The following DKC1 variants were observed in gnomAD, a reference collection of about 807,000 sequenced individuals.
DKC1 encodes the protein dyskerin pseudouridine synthase 1.
DKC1 carries 4 observed loss-of-function variants against 46.7 expected under a neutral mutation model. The ratio of observed to expected loss-of-function variants is 0.09; its 90% confidence interval spans 0.04 to 0.20. DKC1 has a LOEUF of 0.20. Ranked by LOEUF, DKC1 falls within the 10% of genes least tolerant of loss-of-function variation. The probability of loss-of-function intolerance (pLI) is 1.00; values close to 1 mark genes in which losing one functional copy is unlikely to be tolerated. For missense variants in DKC1, 171 were observed against 404.2 expected (o/e 0.42, Z 4.95); for synonymous variants, 141 against 142.4 (o/e 0.99, Z 0.07).
At chrX:154,763,177 C>G (rs1557263773) in intron 1 of DKC1, among the ~76,000 whole-genome samples, 196 bp downstream of exon 1, 1 of 111,930 alleles carries the variant, frequency 8.9e-6, no homozygotes, top group South Asian at 3.7e-4. Flanking sequence ...GAGCCCCTCG[C>G]GGTGACTTGG....
At chrX:154,774,533 C>A in intron 11 of DKC1, 69 bp from the exon 12 acceptor site, 1 of 965,055 alleles carries the variant, frequency 1.0e-6, no homozygotes, top group Non-Finnish European at 1.5e-6. Flanking sequence ...TTGTTCTATT[C>A]TTTGTAGTCA....
In DKC1 at chrX:154,773,133, A is replaced by C; in HGVS notation, c.1039A>C (p.Ile347Leu). Residue 347 changes from isoleucine to leucine, a missense_variant and splice_region_variant, in exon 11 of 15, where the codon ATT (isoleucine) becomes CTT (leucine). By Grantham distance (5) the Ile-to-Leu change is conservative. Coordinates refer to ENST00000369550, the MANE Select transcript of DKC1 (RefSeq NM_001363.5). ...TTTTCTTTATTCAATGCCTGTAGCT[A>C]TTGCATTAATGACCACAGCGGTCAT... The part of the protein sequence containing the change: ...TTKGEAICMA[I>L]ALMTTAVIST... 1 of 1,162,281 alleles carries C rather than the reference A, an allele frequency of 8.6e-7. No homozygotes were observed. Among genetic ancestry groups the C allele is most frequent in the African/African-American group, 1.8e-5 (1 of 56,660 alleles).
rs1474667028 is a variant in DKC1 at position 154,769,101 on chromosome X, A to G, written c.772-66A>G. 3 of 1,121,248 alleles carry G rather than the reference A, an allele frequency of 2.7e-6. No homozygotes were observed. In the East Asian group the frequency reaches 9.2e-5, roughly 34 times the overall value. The allele number at this position is 1,121,248 out of a possible 1,213,427, so 92.4% of individuals were successfully genotyped here. A position where few individuals can be genotyped will look rare whatever the true frequency, so the allele number is the denominator to read the frequency against. On this transcript the variant is annotated intron_variant, in intron 8 of 14. Transcript: ENST00000369550. ...AAACAAGTGACATTCAGTTTTAGGA[A>G]GTTTGGGGTCTGATGGGCTGAGATA...
At chrX:154,773,393 A>G in intron 11 of DKC1, 144 bp downstream of exon 11, 1 of 373,057 alleles carries the variant, frequency 2.7e-6, no homozygotes, top group Non-Finnish European at 4.7e-6. Flanking sequence ...AGGGAAGGTC[A>G]GCAGATAAAC....
intron 10 of DKC1, among the ~76,000 whole-genome samples, chrX:154,771,187 G>GGTTTTTTTTTTTTTTTTTT (rs2071820394): frequency 1.6e-5 from 1 of 64,487 alleles, no homozygotes; most frequent in African/African-American, 6.4e-5. Context: ...TGGTGGTGGT[G>GGTTTTTTTTTTTTTTTTTT]TTTTTTTTTT....
At chrX:154,776,746 CAT>C in intron 14 of DKC1, 51 bp from the exon 15 acceptor site, 1 of 1,128,165 alleles carries the variant, frequency 8.9e-7, no homozygotes, top group South Asian at 1.8e-5. Context: ...CTGGGAGAGT[CAT>C]AGCTTTGTTA....
At chrX:154,771,172 T>G (rs782602419) in intron 10 of DKC1, among the ~76,000 whole-genome samples, 2 of 106,548 alleles carry the variant, frequency 1.9e-5, no homozygotes, top group Non-Finnish European at 3.8e-5. Context: ...ATTCTTTTGG[T>G]TTTTTGGTGG....
intron 9 of DKC1, among the ~76,000 whole-genome samples, chrX:154,770,526 A>G (rs1245023767): frequency 1.8e-5 from 2 of 109,345 alleles, no homozygotes; most frequent in Admixed American, 2.0e-4. Context: ...TGAAAACCTG[A>G]AAGTCTTCTT....
chrX:154,776,460 A>G, intron 14 of DKC1, 136 bp downstream of exon 14: 1 of 925,352 alleles, frequency 1.1e-6, no homozygotes, highest in Non-Finnish European at 1.5e-6. Context: ...GAGTGCCTTT[A>G]GTGCTTCCCC....
At position 154,767,364 on chromosome X, in the gene DKC1, G is replaced by A. The variant is rs374771308; in HGVS notation, c.622G>A (p.Asp208Asn). Residue 208 changes from aspartate to asparagine, a missense_variant, in exon 7 of 15, where the codon GAT becomes AAT. Physicochemically the swap from Asp to Asn is conservative, Grantham distance 23. Coordinates refer to ENST00000369550, the MANE Select transcript of DKC1 (RefSeq NM_001363.5). ...CTACGAGAGCAAAATGATTGAATAC[G>A]ATCCTGAAAGAAGATTAGGTGAGTC... ...TIYESKMIEYDPERRLGIFWV... is the reference protein window; with the variant it reads ...TIYESKMIEYNPERRLGIFWV... The A allele has an allele frequency of 5.9e-5, 71 of 1,210,012 alleles. No homozygotes were observed. Among genetic ancestry groups the A allele is most frequent in the Admixed American group, 3.3e-4 (15 of 45,777 alleles).
chrX:154,766,685 T>G (rs1422661764), intron 5 of DKC1: 1 of 431,600 alleles, frequency 2.3e-6, no homozygotes, highest in East Asian at 3.9e-5. Flanking sequence ...GTGCTACCGC[T>G]TCTGCCTAAA....
At chrX:154,763,141 G>T (rs1476158150) in intron 1 of DKC1, among the ~76,000 whole-genome samples, 160 bp downstream of exon 1, 1 of 112,394 alleles carries the variant, frequency 8.9e-6, no homozygotes, top group Admixed American at 9.3e-5. Context: ...CTCGGCCCTG[G>T]CTCCGTGGCA....
rs919252746 is a variant in DKC1, at chrX:154,777,148, C to T, written c.*281C>T. On this transcript the variant is annotated 3_prime_UTR_variant, in exon 15 of 15. Coordinates refer to ENST00000369550, the MANE Select transcript of DKC1 (RefSeq NM_001363.5). ...CCTCACCTTCAGACCCAGTAACTGT[C>T]CGCAGCTGTCTGCTAGTGGTTGTCT... is the stretch of plus-strand genomic sequence containing the variant. 3.8e-6 allele frequency: 1 copy of T among 264,901 alleles called. No individual in the cohort carries two copies. The highest frequency in any genetic ancestry group is 6.8e-6 in the Non-Finnish European group (1 of 146,377). 21.8% of individuals were successfully genotyped at this position (264,901 alleles called of 1,213,427 possible). A position where few individuals can be genotyped will look rare whatever the true frequency, so the allele number is the denominator to read the frequency against.
chrX:154,774,271 C>G lies in DKC1; in HGVS notation c.1156-331C>G, dbSNP rs781934613. ...TCAAGGGATTGTCTGTTAAGCCACA[C>G]CGGTGTGAAGAGTGGGTTAGGTGTT... is the stretch of plus-strand genomic sequence containing the variant. On this transcript the variant is annotated intron_variant, in intron 11 of 14. Transcript: ENST00000369550. 3.6e-5 allele frequency among the ~76,000 whole-genome samples: 4 copies of G among 111,505 alleles called. No individual in the cohort carries two copies. In the South Asian group the frequency reaches 1.5e-3, roughly 42 times the overall value.
Position 154,776,114 on chromosome X carries a change from C to T in DKC1, c.1339-73C>T. The T allele has an allele frequency of 3.4e-6, 4 of 1,171,265 alleles. No individual in the cohort carries two copies. The South Asian group carries it at 7.2e-5, about 21-fold the overall frequency. The stretch of plus-strand genomic sequence containing the variant: ...GGGATCTTTCTTGGTGCCTTGCTAC[C>T]TTTTGACTCACTGAACCTTTCTTGT... On this transcript the variant is annotated intron_variant, in intron 13 of 14. Transcript: ENST00000369550.
chrX:154,775,933 G>C (rs2071889879), intron 13 of DKC1, among the ~76,000 whole-genome samples: 1 of 112,009 alleles, frequency 8.9e-6, no homozygotes, highest in African/African-American at 3.2e-5. Context: ...GCTCCTCCGG[G>C]CCTTTCCACC....
intron 3 of DKC1, 64 bp from the exon 4 acceptor site, chrX:154,765,839 TACTG>T: frequency 2.4e-6 from 2 of 845,394 alleles, no homozygotes; most frequent in Non-Finnish European, 3.6e-6. Context: ...CACATAGTGG[TACTG>T]ACTCTTTTTT....
At position 154,771,478 on chromosome X, in the gene DKC1, G is replaced by A. The variant is rs1394195539; in HGVS notation, c.1036+599G>A. Among the ~76,000 whole-genome samples the A allele has an allele frequency of 4.7e-5, 5 of 106,484 alleles. No individual in the cohort carries two copies. In the South Asian group the frequency reaches 1.2e-3, roughly 26 times the overall value. The allele number at this position is 106,484 out of a possible 115,157, so 92.5% of individuals were successfully genotyped here. On this transcript the variant is annotated intron_variant, in intron 10 of 14. Coordinates refer to ENST00000369550, the MANE Select transcript of DKC1 (RefSeq NM_001363.5). Reference sequence around the variant, plus strand: ...GATTACAGGTGTGAGCCACCATGCCGGGCCTGATTTTTTTTTTTTTTGTAC... The same window carrying A: ...GATTACAGGTGTGAGCCACCATGCCAGGCCTGATTTTTTTTTTTTTTGTAC...
chrX:154,771,822 C>T (rs1272128253), intron 10 of DKC1, among the ~76,000 whole-genome samples: 1 of 112,111 alleles, frequency 8.9e-6, no homozygotes, highest in Non-Finnish European at 1.9e-5. Flanking sequence ...CAAATCTTGG[C>T]TACTGTGATC....
Sources: gnomAD v4.1 joint callset for allele counts (sites outside exome capture counted in the v4.1 genomes callset) on GRCh38, gnomAD v4.1.1 for gene constraint, MANE v1.5 for transcripts, NCBI Gene and HGNC (gene_info 2026-07-23, HGNC 2026-07-21) for gene names.